Variants in HACD3 observed in about 807,000 individuals in gnomAD.
The protein encoded by HACD3 is very-long-chain (3R)-3-hydroxyacyl-CoA dehydratase 3.
A neutral mutation model predicts 55.2 loss-of-function variants in HACD3; 30 were observed. The observed-to-expected ratio is 0.54, with a 90% CI of 0.41 to 0.74. The LOEUF (loss-of-function observed/expected upper bound fraction) is 0.74, where lower values mean the gene tolerates loss of function less well. HACD3 is among the 30% of genes least tolerant of loss of function. The pLI is 0.00. For missense variants in HACD3, 363 were observed against 440.1 expected (o/e 0.82, Z 1.57); for synonymous variants, 141 against 151.7 (o/e 0.93, Z 0.52).
At chr15:65,549,438 A>G (rs996458678) in intron 1 of HACD3, among the ~76,000 whole-genome samples, 61 of 94,920 alleles carry the variant, frequency 6.4e-4, no homozygotes, top group African/African-American at 3.0e-3. Flanking sequence ...AAAAAAAAAA[A>G]AAAAAAAAAA....
chr15:65,545,132 G>A (rs1567332818), intron 1 of HACD3, among the ~76,000 whole-genome samples: 1 of 152,094 alleles, frequency 6.6e-6, no homozygotes, highest in Non-Finnish European at 1.5e-5. Context: ...AGAGTGTTGT[G>A]AGGGAATGGC....
intron 5 of HACD3, 66 bp from the exon 6 acceptor site, chr15:65,562,708 C>T: frequency 6.4e-7 from 1 of 1,567,080 alleles, no homozygotes; most frequent in East Asian, 2.3e-5. Flanking sequence ...CCAGATATGC[C>T]TCATACACCT....
At chr15:65,538,013 C>T (rs921678564) in intron 1 of HACD3, among the ~76,000 whole-genome samples, 2 of 131,146 alleles carry the variant, frequency 1.5e-5, no homozygotes, top group African/African-American at 2.9e-5. Context: ...ATATTCCTTT[C>T]AAAATATTAC....
chr15:65,572,106 G>T (rs1475529513), intron 9 of HACD3, 129 bp from the exon 10 acceptor site: 1 of 1,205,050 alleles, frequency 8.3e-7, no homozygotes, highest in African/African-American at 1.5e-5. Flanking sequence ...TGAGCTTTCT[G>T]TACAAAGGGA....
intron 1 of HACD3, among the ~76,000 whole-genome samples, chr15:65,536,273 C>T (rs1351772424): frequency 6.6e-6 from 1 of 151,642 alleles, no homozygotes; most frequent in Non-Finnish European, 1.5e-5. Flanking sequence ...GCTGGGATTA[C>T]AGGTTTGAGC....
Position 65,577,894 on chromosome 15 carries a change from C to T in HACD3, c.*1515C>T, listed in dbSNP as rs2072424415. The T allele has an allele frequency of 6.6e-6, 1 of 152,602 alleles. No homozygotes were observed. Among genetic ancestry groups the T allele is most frequent in the South Asian group, 2.1e-4 (1 of 4,822 alleles). 9.5% of individuals were successfully genotyped at this position (152,602 alleles called of 1,614,324 possible). ...TACAGTTGGCCATTGTAAAAAACAT[C>T]AGTTTCCTCTCATACATTCCAAGTA... On this transcript the variant is annotated 3_prime_UTR_variant, in exon 11 of 11. Coordinates refer to ENST00000261875, the MANE Select transcript of HACD3 (RefSeq NM_016395.4).
In HACD3 at chr15:65,571,615, C is replaced by CT; in HGVS notation, c.842dup (p.Trp282ValfsTer25). The CT allele has an allele frequency of 6.2e-7, 1 of 1,613,840 alleles. No homozygotes were observed. Among genetic ancestry groups the CT allele is most frequent in the Non-Finnish European group, 8.5e-7 (1 of 1,179,732 alleles). ...GGTGCTCACATGGCTTCGTTACACT[C>CT]TGTGGATTCCCTTATATCCACTGGG... is the stretch of plus-strand genomic sequence containing the variant. On this transcript the variant is annotated frameshift_variant, in exon 9 of 11. Transcript: ENST00000261875. LOFTEE classifies it high-confidence loss of function.
At chr15:65,557,278 A>G (rs928895310) in intron 4 of HACD3, among the ~76,000 whole-genome samples, 17 of 152,288 alleles carry the variant, frequency 1.1e-4, no homozygotes, top group Admixed American at 1.1e-3. Flanking sequence ...GATAGAGACC[A>G]TCCTGGCTAG....
chr15:65,530,774 C>G, intron 1 of HACD3, 56 bp downstream of exon 1: 2 of 1,470,232 alleles, frequency 1.4e-6, no homozygotes, highest in Non-Finnish European at 1.8e-6. Flanking sequence ...CGGGTACCCG[C>G]CAGGACCCCT....
At chr15:65,547,405 G>A (rs764587967) in intron 1 of HACD3, among the ~76,000 whole-genome samples, 4 of 152,176 alleles carry the variant, frequency 2.6e-5, no homozygotes, top group South Asian at 4.1e-4. Context: ...ATGAGCCACC[G>A]CGCCCGGCCA....
intron 1 of HACD3, among the ~76,000 whole-genome samples, chr15:65,545,895 T>C (rs2072072206): frequency 6.6e-6 from 1 of 152,244 alleles, no homozygotes; most frequent in South Asian, 2.1e-4. Flanking sequence ...TGGAGAATGA[T>C]GCTGTGACCA....
In HACD3 at chr15:65,576,886, G is replaced by A. The variant is rs2072407110; in HGVS notation, c.*507G>A. On this transcript the variant is annotated 3_prime_UTR_variant, in exon 11 of 11. Transcript: ENST00000261875. ...GCATTGACTTTTTGAAAATCAAGTG[G>A]ACTGAGTCATTGATAAAACATTTCT... 1.3e-5 allele frequency: 2 copies of A among 153,886 alleles called. No individual in the cohort carries two copies. Among genetic ancestry groups the A allele is most frequent in the Non-Finnish European group, 2.9e-5 (2 of 69,312 alleles). 9.5% of individuals were successfully genotyped at this position (153,886 alleles called of 1,614,324 possible).
chr15:65,543,451 T>C (rs1206579119), intron 1 of HACD3, among the ~76,000 whole-genome samples: 2 of 152,188 alleles, frequency 1.3e-5, no homozygotes, highest in Non-Finnish European at 2.9e-5. Context: ...TTCTGAAACT[T>C]TTTTGGGATA....
intron 7 of HACD3, 31 bp from the exon 8 acceptor site, chr15:65,570,060 C>CT (rs751440375): frequency 1.2e-5 from 17 of 1,415,458 alleles, no homozygotes; most frequent in African/African-American, 7.2e-5. Context: ...ATTTTATTAA[C>CT]TTTTTTCTCT....
chr15:65,544,946 G>A (rs997714406), intron 1 of HACD3, among the ~76,000 whole-genome samples: 2 of 151,766 alleles, frequency 1.3e-5, no homozygotes, highest in East Asian at 1.9e-4. Context: ...GCTTGAACCC[G>A]GGAGGCGGAG....
intron 7 of HACD3, among the ~76,000 whole-genome samples, chr15:65,568,541 T>C (rs982183068): frequency 2.6e-5 from 4 of 151,662 alleles, no homozygotes; most frequent in African/African-American, 9.7e-5. Flanking sequence ...GTATTTTTAA[T>C]AGAGATGGGG....
At chr15:65,552,658 G>GT (rs987698346) in intron 2 of HACD3, among the ~76,000 whole-genome samples, 18 of 148,304 alleles carry the variant, frequency 1.2e-4, no homozygotes, top group African/African-American at 3.2e-4. Flanking sequence ...TTTTGTTTTT[G>GT]TTTTTTTTAA....
chr15:65,536,724 C>T (rs1008557660), intron 1 of HACD3, among the ~76,000 whole-genome samples: 11 of 152,128 alleles, frequency 7.2e-5, no homozygotes, highest in African/African-American at 2.7e-4. Flanking sequence ...CCACCGCACT[C>T]CAGTGGCAGA....
rs1312963340 is a variant in HACD3, at chr15:65,576,198, T to C, written c.1013-105T>C. 4.0e-6 allele frequency: 6 copies of C among 1,493,216 alleles called. No homozygotes were observed. The East Asian group carries it at 1.5e-4, about 37-fold the overall frequency. 92.5% of individuals were successfully genotyped at this position (1,493,216 alleles called of 1,614,324 possible). A position where few individuals can be genotyped will look rare whatever the true frequency, so the allele number is the denominator to read the frequency against. ...TTCCTGAGCCGCTGCAATAAGCTTTTTGCTGTGGAATATGACGACAGCTAG... is the reference window on the plus strand; with the variant it reads ...TTCCTGAGCCGCTGCAATAAGCTTTCTGCTGTGGAATATGACGACAGCTAG... On this transcript the variant is annotated intron_variant, in intron 10 of 10. Coordinates refer to ENST00000261875, the MANE Select transcript of HACD3 (RefSeq NM_016395.4).
Sources: allele counts gnomAD v4.1 joint callset (sites outside exome capture counted in the v4.1 genomes callset), GRCh38; gene constraint gnomAD v4.1.1; transcripts MANE v1.5; gene names NCBI Gene and HGNC (gene_info 2026-07-23, HGNC 2026-07-21).